The following WSB1 variants were observed in gnomAD, a reference collection of about 807,000 sequenced individuals.
WSB1 encodes the protein WD repeat and SOCS box-containing protein 1.
A neutral mutation model predicts 50.2 loss-of-function variants in WSB1; 23 were observed. That is an observed-to-expected ratio of 0.46 (90% CI 0.33 to 0.65). The LOEUF (loss-of-function observed/expected upper bound fraction) is 0.65, where lower values mean the gene tolerates loss of function less well. Among genes scored for constraint, WSB1 ranks in the 30% least tolerant of loss-of-function variants. The pLI, the probability that WSB1 is intolerant of heterozygous loss-of-function variation, is 0.02. For missense variants in WSB1, 492 were observed against 522.3 expected, an observed-to-expected ratio of 0.94 and a Z score of 0.56; for synonymous variants, 179 against 172.0, an observed-to-expected ratio of 1.04 and a Z score of -0.32.
chr17:27,312,114 C>T (rs2017708273), intron 8 of WSB1, 96 bp from the exon 9 acceptor site: 1 of 1,476,000 alleles, frequency 6.8e-7, no homozygotes, highest in Non-Finnish European at 9.0e-7. Context: ...TTTGTGACTC[C>T]ACTACTCACA....
intron 1 of WSB1, among the ~76,000 whole-genome samples, chr17:27,301,180 G>A (rs1245245682): frequency 1.3e-5 from 2 of 152,110 alleles, no homozygotes; most frequent in African/African-American, 4.8e-5. Context: ...GGCCTATAAT[G>A]CCTTTTTAAA....
intron 7 of WSB1, among the ~76,000 whole-genome samples, chr17:27,311,078 C>T (rs533983035): frequency 1.8e-4 from 28 of 152,150 alleles, no homozygotes; most frequent in African/African-American, 6.0e-4. Flanking sequence ...CTTAAAAGTC[C>T]TGGGCTCAAG....
chr17:27,308,220 C>A (rs1463611168), intron 5 of WSB1: 178 of 980,118 alleles, frequency 1.8e-4, no homozygotes, highest in Admixed American at 1.1e-3. Flanking sequence ...AAAAAAAAAA[C>A]CAAAAAGGAT....
At chr17:27,299,966 TTG>T (rs869285596) in intron 1 of WSB1, among the ~76,000 whole-genome samples, 1 of 68,098 alleles carries the variant, frequency 1.5e-5, no homozygotes, top group East Asian at 3.7e-4. Context: ...CTCAGGCTTT[TTG>T]TTTTTGCTTT....
chr17:27,301,593 A>G (rs138688179), intron 1 of WSB1, among the ~76,000 whole-genome samples, 195 bp from the exon 2 acceptor site: 149 of 152,304 alleles, frequency 9.8e-4, no homozygotes, highest in South Asian at 7.5e-3. Flanking sequence ...TCACTTTATC[A>G]AAACTTGGAG....
At chr17:27,304,571 C>T (rs903005141) in intron 3 of WSB1, among the ~76,000 whole-genome samples, 2 of 124,244 alleles carry the variant, frequency 1.6e-5, no homozygotes, top group African/African-American at 7.4e-5. Flanking sequence ...AAAAGGCCAG[C>T]CGTGGTGACT....
At position 27,311,635 on chromosome 17, in the gene WSB1, T is replaced by A; in HGVS notation, c.1106+19T>A. 121 of 477,936 alleles carry A rather than the reference T, an allele frequency of 2.5e-4. No individual in the cohort carries two copies. Among genetic ancestry groups the A allele is most frequent in the Non-Finnish European group, 3.2e-4 (113 of 348,692 alleles). The allele number at this position is 477,936 out of a possible 1,614,324, so 29.6% of individuals were successfully genotyped here. Reference sequence around the variant, plus strand: ...CTGCTGGGTAAATATATTTTTCTCTTTTTTTTTTTTTTTTTTTTTTTTTTG... The same window carrying A: ...CTGCTGGGTAAATATATTTTTCTCTATTTTTTTTTTTTTTTTTTTTTTTTG... On this transcript the variant is annotated intron_variant, in intron 8 of 8. Coordinates refer to ENST00000262394, the MANE Select transcript of WSB1 (RefSeq NM_015626.10).
chr17:27,294,498 A>G (rs1597746038), intron 1 of WSB1, 63 bp downstream of exon 1: 1 of 1,567,230 alleles, frequency 6.4e-7, no homozygotes, highest in Non-Finnish European at 8.7e-7. Context: ...TCCCCGGAGG[A>G]GGTTTGGGAG....
At chr17:27,300,403 C>T (rs1220822615) in intron 1 of WSB1, among the ~76,000 whole-genome samples, 2 of 152,072 alleles carry the variant, frequency 1.3e-5, no homozygotes, top group African/African-American at 4.8e-5. Context: ...GGCTCCTTTC[C>T]CCAAATTGAG....
Position 27,313,692 on chromosome 17 carries a change from G to C in WSB1, c.*1323G>C, listed in dbSNP as rs2017778093. ...GGAGTACTTTCTCTCTGTCTCCATT[G>C]TAAGGTTGATGGTACACCACAGGCA... On this transcript the variant is annotated 3_prime_UTR_variant, in exon 9 of 9. Transcript: ENST00000262394. 6.6e-6 allele frequency: 1 copy of C among 152,024 alleles called. No individual in the cohort carries two copies. Among genetic ancestry groups the C allele is most frequent in the East Asian group, 1.9e-4 (1 of 5,178 alleles). 9.4% of individuals were successfully genotyped at this position (152,024 alleles called of 1,614,324 possible). A position where few individuals can be genotyped will look rare whatever the true frequency, so the allele number is the denominator to read the frequency against.
chr17:27,311,631 CTCTTTTTT>C lies in WSB1; in HGVS notation c.1106+17_1106+24del. The C allele has an allele frequency of 1.9e-6, 1 of 537,244 alleles. No homozygotes were observed. The highest frequency in any genetic ancestry group is 4.2e-5 in the East Asian group (1 of 23,834). 33.3% of individuals were successfully genotyped at this position (537,244 alleles called of 1,614,324 possible). A position where few individuals can be genotyped will look rare whatever the true frequency, so the allele number is the denominator to read the frequency against. On this transcript the variant is annotated intron_variant, in intron 8 of 8. Coordinates refer to ENST00000262394, the MANE Select transcript of WSB1 (RefSeq NM_015626.10). The stretch of plus-strand genomic sequence containing the variant: ...TTAGCTGCTGGGTAAATATATTTTT[CTCTTTTTT>C]TTTTTTTTTTTTTTTTTTTTGAGAT...
chr17:27,309,009 C>G (rs1030452013), intron 5 of WSB1, 91 bp from the exon 6 acceptor site: 9 of 1,397,558 alleles, frequency 6.4e-6, no homozygotes, highest in Non-Finnish European at 8.5e-6. Context: ...TTAATATAAT[C>G]TTAATTAAAT....
chr17:27,301,711 C>A, intron 1 of WSB1, 77 bp from the exon 2 acceptor site: 2 of 1,505,542 alleles, frequency 1.3e-6, no homozygotes, highest in South Asian at 1.2e-5. Context: ...GAAACTCAAT[C>A]CCAAAGTAAT....
chr17:27,315,427 G>A lies in WSB1; in HGVS notation c.*3058G>A, dbSNP rs761172675. 1.3e-5 allele frequency: 2 copies of A among 152,182 alleles called. No individual in the cohort carries two copies. Among genetic ancestry groups the A allele is most frequent in the African/African-American group, 4.8e-5 (2 of 41,446 alleles). 9.4% of individuals were successfully genotyped at this position (152,182 alleles called of 1,614,324 possible). Reference sequence around the variant, plus strand: ...TAGGTTGGCAAATCTTAAACTTAACGATCCTTGAAATTTCCTGCCTGCTGT... The same window carrying A: ...TAGGTTGGCAAATCTTAAACTTAACAATCCTTGAAATTTCCTGCCTGCTGT... On this transcript the variant is annotated 3_prime_UTR_variant, in exon 9 of 9. Coordinates refer to ENST00000262394, the MANE Select transcript of WSB1 (RefSeq NM_015626.10).
At chr17:27,295,066 T>A (rs2016897135) in intron 1 of WSB1, among the ~76,000 whole-genome samples, 1 of 152,164 alleles carries the variant, frequency 6.6e-6, no homozygotes, top group Non-Finnish European at 1.5e-5. Context: ...TGGAAAAGGC[T>A]TTTCTGGCTT....
intron 5 of WSB1, chr17:27,307,982 C>A (rs1411259510): frequency 1.0e-5 from 13 of 1,245,102 alleles, no homozygotes; most frequent in Non-Finnish European, 1.3e-5. Flanking sequence ...AAAGTAATTT[C>A]CCCCACAGTA....
intron 1 of WSB1, among the ~76,000 whole-genome samples, chr17:27,301,585 A>G (rs1340433289): frequency 6.6e-6 from 1 of 152,172 alleles, no homozygotes; most frequent in African/African-American, 2.4e-5. Flanking sequence ...TAGGGAAATC[A>G]CTTTATCAAA....
rs1438664874 is a variant in WSB1 at position 27,314,292 on chromosome 17, T to TG, written c.*1925dup. The TG allele has an allele frequency of 6.6e-6, 1 of 152,186 alleles. No homozygotes were observed. The highest frequency in any genetic ancestry group is 1.9e-4 in the East Asian group (1 of 5,194). The allele number at this position is 152,186 out of a possible 1,614,324, so 9.4% of individuals were successfully genotyped here. A position where few individuals can be genotyped will look rare whatever the true frequency, so the allele number is the denominator to read the frequency against. On this transcript the variant is annotated 3_prime_UTR_variant, in exon 9 of 9. Transcript: ENST00000262394. ...TCGGCTTTATAATTTTAAAATACAC[T>TG]GGCCGGGCGCAGTGGCCCACACCTA... is the stretch of plus-strand genomic sequence containing the variant.
intron 7 of WSB1, among the ~76,000 whole-genome samples, chr17:27,310,580 A>T (rs2017639444): frequency 6.6e-6 from 1 of 152,234 alleles, no homozygotes; most frequent in Non-Finnish European, 1.5e-5. Context: ...CACATGAATG[A>T]TATGTGCTGC....
Sources: gnomAD v4.1 joint callset for allele counts (sites outside exome capture counted in the v4.1 genomes callset) on GRCh38, gnomAD v4.1.1 for gene constraint, MANE v1.5 for transcripts, NCBI Gene and HGNC (gene_info 2026-07-23, HGNC 2026-07-21) for gene names.